The following C2orf66 variants were observed in gnomAD, a reference collection of about 807,000 sequenced individuals.
C2orf66 encodes the protein chromosome 2 open reading frame 66, also known as uncharacterized protein C2orf66.
C2orf66 carries 6 observed loss-of-function variants against 7.0 expected under a neutral mutation model. The ratio of observed to expected loss-of-function variants is 0.86; its 90% CI spans 0.47 to 1.69. C2orf66 has a LOEUF of 1.69. Ranked by LOEUF, C2orf66 falls within the 40% of genes most tolerant of loss-of-function variation. The probability of loss-of-function intolerance (pLI) is 0.01; values close to 1 mark genes in which losing one functional copy is unlikely to be tolerated. For synonymous variants in C2orf66, 38 were observed against 43.8 expected (o/e 0.87, Z 0.52); for missense variants, 107 against 112.0 (o/e 0.96, Z 0.20).
chr2:196,822,107 G>T, the C2orf66 span, among the ~76,000 whole-genome samples: 7 of 151,686 alleles, frequency 4.6e-5, no homozygotes, highest in African/African-American at 1.7e-4. Context: ...TAGAGATGGG[G>T]TTTCACCATG....
chr2:196,807,695 C>T (rs1699833395), intron 1 of C2orf66, 73 bp from the exon 2 acceptor site: 7 of 1,246,070 alleles, frequency 5.6e-6, no homozygotes, highest in African/African-American at 1.5e-5. Context: ...TTTCTTCCCT[C>T]TATTTTTCCC....
At chr2:196,808,686 A>T (rs1699840864) in intron 1 of C2orf66, among the ~76,000 whole-genome samples, 1 of 151,990 alleles carries the variant, frequency 6.6e-6, no homozygotes. Context: ...TGTATTTGGC[A>T]TTTTTTTTAA....
the C2orf66 span, among the ~76,000 whole-genome samples, chr2:196,825,292 C>G: frequency 6.6e-6 from 1 of 151,014 alleles, no homozygotes; most frequent in Non-Finnish European, 1.5e-5. Context: ...TACACATGGC[C>G]AACAGGTATA....
At chr2:196,822,705 C>T in the C2orf66 span, among the ~76,000 whole-genome samples, 1 of 152,004 alleles carries the variant, frequency 6.6e-6, no homozygotes, top group Non-Finnish European at 1.5e-5. Flanking sequence ...GGGAAAAATA[C>T]TGATTCTGTG....
At chr2:196,809,650 CTT>C (rs911360456), upstream of C2orf66, 2 of 278,962 alleles carry the variant, frequency 7.2e-6, no homozygotes, top group Non-Finnish European at 1.3e-5. Context: ...AAAAAAAGTA[CTT>C]TGTTGTCTCC....
intron 2 of C2orf66, among the ~76,000 whole-genome samples, chr2:196,806,924 G>A (rs1458343759): frequency 1.3e-5 from 2 of 152,002 alleles, no homozygotes; most frequent in Non-Finnish European, 2.9e-5. Flanking sequence ...TGAGAAAAAT[G>A]CCATCCTTAC....
chr2:196,829,759 T>C, the C2orf66 span, among the ~76,000 whole-genome samples: 1 of 151,318 alleles, frequency 6.6e-6, no homozygotes, highest in Admixed American at 6.6e-5. Context: ...TAGACGGGCG[T>C]GGTGGCGGGC....
upstream of C2orf66, among the ~76,000 whole-genome samples, chr2:196,812,518 G>GGC (rs1465163547): frequency 2.0e-5 from 3 of 152,080 alleles, no homozygotes; most frequent in African/African-American, 7.2e-5. Flanking sequence ...TTTAAAAACT[G>GGC]GCACAAGACA....
chr2:196,817,698 T>A, the C2orf66 span, among the ~76,000 whole-genome samples: 1 of 152,104 alleles, frequency 6.6e-6, no homozygotes, highest in Non-Finnish European at 1.5e-5. Context: ...CTCAACTGCA[T>A]AAGACAGACA....
At chr2:196,821,213 T>A in the C2orf66 span, among the ~76,000 whole-genome samples, 1 of 152,214 alleles carries the variant, frequency 6.6e-6, no homozygotes, top group Non-Finnish European at 1.5e-5. Context: ...TGTCCAGAGG[T>A]GGCATGGCCC....
upstream of C2orf66, among the ~76,000 whole-genome samples, chr2:196,812,426 C>T (rs777202682): frequency 6.6e-6 from 1 of 152,094 alleles, no homozygotes; most frequent in Non-Finnish European, 1.5e-5. Flanking sequence ...ATTGATGGAA[C>T]GTATCTCAAA....
At chr2:196,813,614 A>G (rs1219352622), upstream of C2orf66, among the ~76,000 whole-genome samples, 1 of 152,240 alleles carries the variant, frequency 6.6e-6, no homozygotes, top group Admixed American at 6.5e-5. Flanking sequence ...TGCACAGCAA[A>G]AGAAACTGTC....
chr2:196,819,609 T>A, the C2orf66 span, among the ~76,000 whole-genome samples: 1 of 152,214 alleles, frequency 6.6e-6, no homozygotes, highest in Non-Finnish European at 1.5e-5. Context: ...TGTTTCCACT[T>A]GGCTCATGGT....
chr2:196,812,226 TTAAAG>T (rs1449237973), upstream of C2orf66, among the ~76,000 whole-genome samples: 1 of 152,136 alleles, frequency 6.6e-6, no homozygotes, highest in African/African-American at 2.4e-5. Context: ...CCCCAGGACT[TTAAAG>T]TATATAATAA....
the C2orf66 span, among the ~76,000 whole-genome samples, chr2:196,831,550 C>A: frequency 6.6e-6 from 1 of 152,084 alleles, no homozygotes; most frequent in Admixed American, 6.5e-5. Flanking sequence ...TCCATGCAGG[C>A]ATAGAGACCC....
upstream of C2orf66, among the ~76,000 whole-genome samples, chr2:196,813,919 A>G (rs917473435): frequency 2.0e-5 from 3 of 152,204 alleles, no homozygotes; most frequent in East Asian, 5.8e-4. Context: ...AAGTCAGGAA[A>G]CAACATATGC....
At chr2:196,817,401 A>T in the C2orf66 span, among the ~76,000 whole-genome samples, 3 of 151,598 alleles carry the variant, frequency 2.0e-5, no homozygotes, top group African/African-American at 7.3e-5. Context: ...TTCCTGGCTA[A>T]TTTTTTTGTA....
At chr2:196,811,670 C>T (rs942661301), upstream of C2orf66, among the ~76,000 whole-genome samples, 4 of 151,970 alleles carry the variant, frequency 2.6e-5, no homozygotes, top group African/African-American at 7.3e-5. Flanking sequence ...TTGAGATTTC[C>T]TCGTGGGGTT....
chr2:196,828,047 C>G, the C2orf66 span, among the ~76,000 whole-genome samples: 1 of 152,140 alleles, frequency 6.6e-6, no homozygotes, highest in Admixed American at 6.5e-5. Context: ...TTAGTCATTA[C>G]TCTTGACTGA....
Sources: gnomAD v4.1 joint callset for allele counts (sites outside exome capture counted in the v4.1 genomes callset) on GRCh38, gnomAD v4.1.1 for gene constraint, MANE v1.5 for transcripts, NCBI Gene and HGNC (gene_info 2026-07-23, HGNC 2026-07-21) for gene names.